MAST4: variants seen among roughly 807,000 people sequenced by gnomAD.
The protein encoded by MAST4 is microtubule-associated serine/threonine-protein kinase 4.
In MAST4, 89 loss-of-function variants were observed where a neutral mutation model predicts 162.7. The ratio of observed to expected loss-of-function variants is 0.55; its 90% CI spans 0.46 to 0.65. MAST4 has a LOEUF of 0.65. Among genes scored for constraint, MAST4 ranks in the 30% least tolerant of loss-of-function variants. MAST4 has a pLI of 0.00. For synonymous variants in MAST4, 1,479 were observed against 1,361.1 expected (o/e 1.09, Z -1.91); for missense variants, 3,153 against 3,374.0 (o/e 0.93, Z 1.62).
chr5:66,898,525 T>G (rs1315014535), intron 3 of MAST4, among the ~76,000 whole-genome samples: 5 of 152,196 alleles, frequency 3.3e-5, no homozygotes, highest in Admixed American at 3.3e-4. Flanking sequence ...TGAAGGTATA[T>G]TTATGTTTCA....
chr5:67,060,475 ATTTTTT>A (rs71610552), intron 5 of MAST4, among the ~76,000 whole-genome samples: 2 of 120,600 alleles, frequency 1.7e-5, no homozygotes, highest in Admixed American at 9.1e-5. Context: ...GAGTATCACA[ATTTTTT>A]TTTTTTTTTT....
At chr5:66,873,230 C>T (rs557175923) in intron 3 of MAST4, among the ~76,000 whole-genome samples, 209 of 152,240 alleles carry the variant, frequency 1.4e-3, no homozygotes, top group African/African-American at 4.9e-3. Context: ...TGAGGAGGGC[C>T]TAAAAATGTT....
intron 3 of MAST4, among the ~76,000 whole-genome samples, chr5:66,872,729 G>T (rs999039178): frequency 6.6e-6 from 1 of 152,170 alleles, no homozygotes; most frequent in African/African-American, 2.4e-5. Flanking sequence ...TGCTAATGTA[G>T]AGCACAACTC....
chr5:66,759,947 C>A, intron 2 of MAST4, 85 bp downstream of exon 2: 1 of 1,454,896 alleles, frequency 6.9e-7, no homozygotes, highest in Non-Finnish European at 9.3e-7. Context: ...ATGTAATCAG[C>A]TTTCTTAAGA....
intron 5 of MAST4, among the ~76,000 whole-genome samples, chr5:67,073,682 A>G (rs1447434549): frequency 6.6e-6 from 1 of 152,224 alleles, no homozygotes; most frequent in East Asian, 1.9e-4. Flanking sequence ...TATGAATAAG[A>G]ACAGGAAGGA....
chr5:67,121,677 G>GAA (rs111824214), intron 14 of MAST4, among the ~76,000 whole-genome samples: 2 of 137,808 alleles, frequency 1.5e-5, no homozygotes, highest in African/African-American at 5.3e-5. Context: ...CTGATGACCT[G>GAA]AAAAAAAAAA....
In MAST4 at chr5:67,149,244, G is replaced by A. The variant is rs139677811; in HGVS notation, c.3095-145G>A. The A allele has an allele frequency of 1.5e-3, 1,028 of 673,874 alleles. 1 individual carries two copies. Among genetic ancestry groups the A allele is most frequent in the Non-Finnish European group, 2.2e-3 (856 of 389,016 alleles). The allele number at this position is 673,874 out of a possible 1,614,324, so 41.7% of individuals were successfully genotyped here. A position where few individuals can be genotyped will look rare whatever the true frequency, so the allele number is the denominator to read the frequency against. ...CTCAAAGCAATCACATGTTGTTAATGTTCGCCTGACACCGTCTGGACTTAC... is the reference window on the plus strand; with the variant it reads ...CTCAAAGCAATCACATGTTGTTAATATTCGCCTGACACCGTCTGGACTTAC... On this transcript the variant is annotated intron_variant, in intron 23 of 28. Transcript: ENST00000403625.
At chr5:66,816,898 T>C (rs1202254963) in intron 3 of MAST4, among the ~76,000 whole-genome samples, 1 of 152,188 alleles carries the variant, frequency 6.6e-6, no homozygotes, top group Admixed American at 6.5e-5. Flanking sequence ...CCTTAGTTTT[T>C]TTGAAATTTA....
chr5:66,698,763 C>T (rs938301304), intron 1 of MAST4, among the ~76,000 whole-genome samples: 6 of 152,158 alleles, frequency 3.9e-5, no homozygotes, highest in African/African-American at 1.4e-4. Context: ...CCACCACATA[C>T]CCTTAGACCC....
At chr5:66,923,916 C>G (rs949004448) in intron 4 of MAST4, among the ~76,000 whole-genome samples, 1 of 152,094 alleles carries the variant, frequency 6.6e-6, no homozygotes, top group African/African-American at 2.4e-5. Context: ...CATTCAGGAC[C>G]GAAGGAGCAA....
chr5:66,866,596 A>G (rs1191561524), intron 3 of MAST4, among the ~76,000 whole-genome samples: 2 of 152,164 alleles, frequency 1.3e-5, no homozygotes, highest in Non-Finnish European at 2.9e-5. Flanking sequence ...AATAGTGCCT[A>G]TTTGTAATGG....
chr5:67,165,879 G>C lies in MAST4; in HGVS notation c.6700G>C (p.Gly2234Arg). The change falls in exon 29 of 29, where the codon GGC becomes CGC. Residue 2234 changes from glycine to arginine, a missense_variant. Gly to Arg is a moderately radical substitution (Grantham distance 125). Around this residue, in one of 7 missense-constraint regions of MAST4, gnomAD observed 1,644 missense variants for 1,495.0 expected, o/e 1.10. Transcript: ENST00000403625. Reference sequence around the variant, plus strand: ...AGAGCCTGCCACTCAGTCCCTCGGTGGCTCTAGCAGAGAGGGGAAGGGCCA... The same window carrying C: ...AGAGCCTGCCACTCAGTCCCTCGGTCGCTCTAGCAGAGAGGGGAAGGGCCA... ...GKEPATQSLG[G>R]SSREGKGHSK... is the part of the protein sequence containing the mutation. The C allele has an allele frequency of 6.2e-7, 1 of 1,613,376 alleles. No homozygotes were observed. Among genetic ancestry groups the C allele is most frequent in the Non-Finnish European group, 8.5e-7 (1 of 1,179,896 alleles).
chr5:66,928,710 A>G (rs1368233488), intron 4 of MAST4, among the ~76,000 whole-genome samples: 1 of 152,058 alleles, frequency 6.6e-6, no homozygotes, highest in Non-Finnish European at 1.5e-5. Context: ...TGTTGTGGAG[A>G]TTAGCTGGGG....
At chr5:66,803,857 CGTG>C (rs1218411776) in intron 3 of MAST4, among the ~76,000 whole-genome samples, 1 of 151,694 alleles carries the variant, frequency 6.6e-6, no homozygotes, top group Non-Finnish European at 1.5e-5. Flanking sequence ...GTTGAATAGA[CGTG>C]GTGATACTAC....
chr5:66,843,493 C>T (rs1414933575), intron 3 of MAST4, among the ~76,000 whole-genome samples: 1 of 152,122 alleles, frequency 6.6e-6, no homozygotes, highest in East Asian at 1.9e-4. Context: ...CCAAGACTCC[C>T]CCAACTGAGT....
chr5:66,728,269 G>C (rs1288962227), intron 1 of MAST4, among the ~76,000 whole-genome samples: 1 of 152,180 alleles, frequency 6.6e-6, no homozygotes, highest in Admixed American at 6.5e-5. Context: ...AAGTTCTTCT[G>C]TTGGTGTGTG....
intron 1 of MAST4, among the ~76,000 whole-genome samples, chr5:66,689,429 C>T (rs1006252862): frequency 2.0e-5 from 3 of 152,160 alleles, no homozygotes; most frequent in Non-Finnish European, 2.9e-5. Context: ...GTGCTTTTGC[C>T]TACTCTTGCC....
intron 4 of MAST4, chr5:67,004,678 A>T: frequency 4.0e-6 from 1 of 247,156 alleles, no homozygotes; most frequent in East Asian, 7.6e-5. Flanking sequence ...AGCAGAACGC[A>T]CGGCTCAACT....
At chr5:66,695,808 C>T (rs1010365546) in intron 1 of MAST4, among the ~76,000 whole-genome samples, 47 of 152,080 alleles carry the variant, frequency 3.1e-4, no homozygotes, top group Admixed American at 3.0e-3. Flanking sequence ...TCTTCGAAGA[C>T]CTAGAACCAG....
Sources: allele counts gnomAD v4.1 joint callset (sites outside exome capture counted in the v4.1 genomes callset), GRCh38; gene constraint gnomAD v4.1.1; regional missense constraint gnomAD v4.1.1; transcripts MANE v1.5; gene names NCBI Gene and HGNC (gene_info 2026-07-23, HGNC 2026-07-21).